The following HAPSTR1 variants were observed in gnomAD, a reference collection of about 807,000 sequenced individuals.
HAPSTR1 encodes HUWE1-associated protein modifying stress responses 1.
chr16:9,091,778 G>A, the HAPSTR1 span: 1 of 395,454 alleles, frequency 2.5e-6, no homozygotes, highest in East Asian at 3.6e-5. Flanking sequence ...CGAGGCGAGG[G>A]GCGGCAGCGG....
the HAPSTR1 span, chr16:9,112,820 A>T: frequency 6.6e-6 from 1 of 152,160 alleles, no homozygotes; most frequent in Non-Finnish European, 1.5e-5. Flanking sequence ...CTACCCCTGG[A>T]CTAATCATTT....
At chr16:9,094,334 C>T in the HAPSTR1 span, among the ~76,000 whole-genome samples, 13 of 152,230 alleles carry the variant, frequency 8.5e-5, no homozygotes, top group Non-Finnish European at 1.8e-4. Flanking sequence ...TAAATTGCTT[C>T]AACATCTATC....
chr16:9,094,278 T>G, the HAPSTR1 span, among the ~76,000 whole-genome samples: 1 of 152,166 alleles, frequency 6.6e-6, no homozygotes, highest in East Asian at 1.9e-4. Flanking sequence ...AGTGCCTCAG[T>G]GGTTAGCTTT....
the HAPSTR1 span, chr16:9,119,111 C>G: frequency 3.3e-5 from 5 of 152,598 alleles, no homozygotes; most frequent in Admixed American, 6.5e-5. Context: ...CGTTTACTTT[C>G]AAATGCACCT....
chr16:9,103,163 C>A, the HAPSTR1 span: 1 of 1,614,200 alleles, frequency 6.2e-7, no homozygotes, highest in South Asian at 1.1e-5. Flanking sequence ...TCCCCCAAGA[C>A]TGACTGTAGT....
the HAPSTR1 span, chr16:9,118,795 G>T: frequency 6.6e-6 from 1 of 152,656 alleles, no homozygotes; most frequent in African/African-American, 2.4e-5. Context: ...TTGCTCACAA[G>T]TGGCCAGAAC....
At chr16:9,102,929 G>C in the HAPSTR1 span, 1 of 1,561,578 alleles carries the variant, frequency 6.4e-7, no homozygotes, top group South Asian at 1.2e-5. Flanking sequence ...CTTTAGAAGG[G>C]AATACGGGCT....
the HAPSTR1 span, chr16:9,117,237 G>C: frequency 4.6e-5 from 11 of 237,216 alleles, no homozygotes; most frequent in South Asian, 3.8e-4. Context: ...GGAAATATCA[G>C]ATGTTTATTT....
chr16:9,120,302 A>G, the HAPSTR1 span: 1 of 152,190 alleles, frequency 6.6e-6, no homozygotes, highest in Non-Finnish European at 1.5e-5. Flanking sequence ...GATGGTTTAG[A>G]TGACCTTACC....
the HAPSTR1 span, among the ~76,000 whole-genome samples, chr16:9,114,747 A>G: frequency 6.6e-6 from 1 of 152,216 alleles, no homozygotes; most frequent in Non-Finnish European, 1.5e-5. Flanking sequence ...GAATAGGAAT[A>G]TAGATTACAC....
At chr16:9,117,093 A>T in the HAPSTR1 span, 26 of 830,842 alleles carry the variant, frequency 3.1e-5, no homozygotes, top group African/African-American at 2.6e-4. Context: ...TCTTGTAATT[A>T]TGGCTTTCTT....
At chr16:9,105,534 C>T in the HAPSTR1 span, 1 of 152,190 alleles carries the variant, frequency 6.6e-6, no homozygotes, top group Non-Finnish European at 1.5e-5. Flanking sequence ...GGTTCTAGTA[C>T]TAGGGCCATT....
chr16:9,092,035 G>T, the HAPSTR1 span: 1 of 1,501,708 alleles, frequency 6.7e-7, no homozygotes, highest in Non-Finnish European at 8.9e-7. Context: ...GCCGCGGGAG[G>T]CCGCGGAGGA....
the HAPSTR1 span, chr16:9,092,021 C>CGAGGCCGCGG: frequency 7.4e-6 from 11 of 1,483,566 alleles, no homozygotes; most frequent in Admixed American, 6.6e-5. Flanking sequence ...GCGGTGGCGG[C>CGAGGCCGCGG]GAGGCCGCGG....
chr16:9,092,001 G>C, the HAPSTR1 span: 2 of 1,452,870 alleles, frequency 1.4e-6, no homozygotes, highest in African/African-American at 1.5e-5. Flanking sequence ...CGCCTGAGGA[G>C]GACGCGGCGG....
At chr16:9,117,099 TTC>T in the HAPSTR1 span, 1 of 777,716 alleles carries the variant, frequency 1.3e-6, no homozygotes, top group Non-Finnish European at 2.0e-6. Flanking sequence ...AATTATGGCT[TTC>T]TTAAAACTAT....
chr16:9,096,999 A>G, the HAPSTR1 span, among the ~76,000 whole-genome samples: 124 of 151,080 alleles, frequency 8.2e-4, no homozygotes, highest in South Asian at 1.5e-3. Flanking sequence ...CTGGAGTGCA[A>G]TGGCGTGATC....
the HAPSTR1 span, among the ~76,000 whole-genome samples, chr16:9,097,504 C>T: frequency 2.7e-3 from 415 of 152,202 alleles, no homozygotes; most frequent in Non-Finnish European, 4.9e-3. Context: ...GCCAAAGTGC[C>T]GGGATTATAA....
chr16:9,103,365 C>G, the HAPSTR1 span: 148 of 1,174,954 alleles, frequency 1.3e-4, no homozygotes, highest in Middle Eastern at 4.8e-4. Context: ...TTTTGTCTTA[C>G]AGTAAACAGC....
Sources: allele counts gnomAD v4.1 joint callset (sites outside exome capture counted in the v4.1 genomes callset), GRCh38; gene constraint gnomAD v4.1.1; transcripts MANE v1.5; gene names NCBI Gene and HGNC (gene_info 2026-07-23, HGNC 2026-07-21).